Variants in AHI1 observed in about 807,000 individuals in gnomAD.
The protein encoded by AHI1 is Abelson helper integration site 1, also known as jouberin.
AHI1 carries 123 observed loss-of-function variants against 149.3 expected under a neutral mutation model. The ratio of observed to expected loss-of-function variants is 0.82; its 90% CI spans 0.71 to 0.96. The LOEUF (loss-of-function observed/expected upper bound fraction) is 0.96, where lower values mean the gene tolerates loss of function less well. Among genes scored for constraint, AHI1 ranks in the 40% least tolerant of loss-of-function variants. The pLI, the probability that AHI1 is intolerant of heterozygous loss-of-function variation, is 0.00. For synonymous variants in AHI1, 475 were observed against 459.8 expected, an observed-to-expected ratio of 1.03 and a Z score of -0.42; for missense variants, 1,439 against 1,422.7, an observed-to-expected ratio of 1.01 and a Z score of -0.18.
At position 135,337,164 on chromosome 6, in the gene AHI1, A is replaced by T. The variant is rs9376104; in HGVS notation, c.3166-13840T>A. Among the ~76,000 whole-genome samples the T allele has an allele frequency of 5.5e-3, 831 of 152,256 alleles. 6 individuals carry two copies. The highest frequency in any genetic ancestry group is 0.018 in the African/African-American group (756 of 41,544). ...ACTTTCCTTAAAATTATGCCAAAAA[A>T]AAAGGGTCTTAAAGACTTGGCATTT... On this transcript the variant is annotated intron_variant, in intron 24 of 28. Transcript: ENST00000265602.
At chr6:135,465,291 T>C (rs1479651251) in intron 7 of AHI1, among the ~76,000 whole-genome samples, 2 of 152,158 alleles carry the variant, frequency 1.3e-5, no homozygotes, top group Non-Finnish European at 1.5e-5. Flanking sequence ...TCACACTCTA[T>C]ATAGAAGTAC....
chr6:135,305,291 T>G (rs959324730), intron 26 of AHI1: 2 of 152,264 alleles, frequency 1.3e-5, no homozygotes, highest in Non-Finnish European at 2.9e-5. Context: ...TTCTTCAGAA[T>G]GTAACAACTT....
chr6:135,492,600 A>G, intron 3 of AHI1: 5 of 985,374 alleles, frequency 5.1e-6, no homozygotes, highest in Non-Finnish European at 6.0e-6. Context: ...AAAGTGTTTT[A>G]ATACATTAAT....
chr6:135,296,487 T>C (rs1006245993), intron 27 of AHI1, among the ~76,000 whole-genome samples: 3 of 152,210 alleles, frequency 2.0e-5, no homozygotes, highest in African/African-American at 7.2e-5. Context: ...TTTTATCCAA[T>C]CTCTCCCAGT....
chr6:135,367,539 C>G (rs1203767397), intron 23 of AHI1, among the ~76,000 whole-genome samples: 1 of 151,926 alleles, frequency 6.6e-6, no homozygotes, highest in African/African-American at 2.4e-5. Context: ...TTCTGAGAGG[C>G]TTTGTTCATT....
chr6:135,301,694 A>T (rs1280301097), intron 26 of AHI1: 3 of 985,342 alleles, frequency 3.0e-6, no homozygotes, highest in Non-Finnish European at 3.6e-6. Flanking sequence ...GTGAAAGGTG[A>T]GTGTTGCAAC....
intron 3 of AHI1, 163 bp from the exon 4 acceptor site, chr6:135,492,454 C>G: frequency 8.0e-7 from 1 of 1,255,156 alleles, no homozygotes; most frequent in East Asian, 3.1e-5. Flanking sequence ...GACTTGGGTA[C>G]ATTTGAATCA....
chr6:135,340,396 A>T (rs114109976), intron 24 of AHI1, among the ~76,000 whole-genome samples: 2,958 of 151,106 alleles, frequency 0.02, 91 homozygotes, highest in African/African-American at 0.067. Flanking sequence ...AAACAAAAAC[A>T]AACAAAAAAA....
chr6:135,442,944 C>T (rs1161600867), intron 13 of AHI1, among the ~76,000 whole-genome samples: 1 of 152,004 alleles, frequency 6.6e-6, no homozygotes, highest in African/African-American at 2.4e-5. Flanking sequence ...GTACTTAATT[C>T]ACCTAAATAT....
intron 5 of AHI1, among the ~76,000 whole-genome samples, chr6:135,483,034 G>A (rs1043924047): frequency 2.0e-5 from 3 of 150,944 alleles, no homozygotes; most frequent in East Asian, 1.9e-4. Context: ...TGGGACTACA[G>A]CTGCCTGCCA....
At chr6:135,492,940 T>G (rs1795456921) in intron 3 of AHI1, 1 of 979,024 alleles carries the variant, frequency 1.0e-6, no homozygotes, top group Non-Finnish European at 1.2e-6. Context: ...TTAGAACATT[T>G]AGAATGTAAT....
At chr6:135,457,198 C>T (rs903500787) in intron 9 of AHI1, among the ~76,000 whole-genome samples, 13 of 152,238 alleles carry the variant, frequency 8.5e-5, no homozygotes, top group African/African-American at 3.1e-4. Flanking sequence ...GCAGTAGAAT[C>T]GCTTGAACCC....
chr6:135,300,879 A>G, intron 26 of AHI1: 1 of 1,031,718 alleles, frequency 9.7e-7, no homozygotes, highest in East Asian at 8.1e-5. Flanking sequence ...ACAATGTGGT[A>G]TATTACTTAA....
intron 20 of AHI1, among the ~76,000 whole-genome samples, chr6:135,412,295 T>C (rs1336074344): frequency 5.9e-5 from 9 of 152,222 alleles, no homozygotes; most frequent in Non-Finnish European, 1.0e-4. Flanking sequence ...GTCCACAGAT[T>C]ATATGCAAAA....
At chr6:135,324,936 T>C (rs1388238937) in intron 24 of AHI1, among the ~76,000 whole-genome samples, 4 of 152,198 alleles carry the variant, frequency 2.6e-5, no homozygotes, top group Admixed American at 2.6e-4. Flanking sequence ...TTAATTCAAC[T>C]GGCTCAAATG....
At chr6:135,309,992 C>T (rs557875517) in intron 26 of AHI1, among the ~76,000 whole-genome samples, 1 of 151,880 alleles carries the variant, frequency 6.6e-6, no homozygotes, top group Non-Finnish European at 1.5e-5. Flanking sequence ...AACAGAATTA[C>T]TAAAGTAAAA....
chr6:135,289,704 A>C (rs910990568), intron 28 of AHI1, among the ~76,000 whole-genome samples: 1 of 152,176 alleles, frequency 6.6e-6, no homozygotes, highest in Admixed American at 6.5e-5. Flanking sequence ...TTACATAACT[A>C]TGCATCTATA....
At chr6:135,373,312 C>T (rs1310958062) in intron 23 of AHI1, among the ~76,000 whole-genome samples, 1 of 152,144 alleles carries the variant, frequency 6.6e-6, no homozygotes, top group Admixed American at 6.5e-5. Flanking sequence ...TGGTCACATG[C>T]TGTACAGGTT....
intron 27 of AHI1, among the ~76,000 whole-genome samples, chr6:135,296,642 T>A (rs1299081576): frequency 6.6e-6 from 1 of 152,222 alleles, no homozygotes; most frequent in Non-Finnish European, 1.5e-5. Flanking sequence ...TCAGGCCTTC[T>A]CTCATGCTCC....
Sources: allele counts gnomAD v4.1 joint callset (sites outside exome capture counted in the v4.1 genomes callset), GRCh38; gene constraint gnomAD v4.1.1; transcripts MANE v1.5; gene names NCBI Gene and HGNC (gene_info 2026-07-23, HGNC 2026-07-21).